NOX5: variants seen among roughly 807,000 people sequenced by gnomAD.
The protein encoded by NOX5 is NADPH oxidase 5.
NOX5 carries 76 observed loss-of-function variants against 85.7 expected under a neutral mutation model. That is an observed-to-expected ratio of 0.89 (90% CI 0.74 to 1.07). The LOEUF (loss-of-function observed/expected upper bound fraction) is 1.07, where lower values mean the gene tolerates loss of function less well. Ranked by LOEUF, NOX5 falls within the 50% of genes least tolerant of loss-of-function variation. NOX5 has a pLI of 0.00. For synonymous variants in NOX5, 405 were observed against 401.4 expected (o/e 1.01, Z -0.11); for missense variants, 973 against 999.5 (o/e 0.97, Z 0.36).
In NOX5 at chr15:69,033,185, CT is replaced by C. The variant is rs1567098254; in HGVS notation, c.764del (p.Leu255ArgfsTer33). ...AGGCCTCCACGTGCTGCTCTTCGGGCTGGCGGCCAGCGCGCACCGGGACCTC... is the reference window on the plus strand; with the variant it reads ...AGGCCTCCACGTGCTGCTCTTCGGGCGGCGGCCAGCGCGCACCGGGACCTC... ...YAGLHVLLFG[L>X]AASAHRDLGA... is the part of the protein sequence containing the mutation. On this transcript the variant is annotated frameshift_variant, in exon 5 of 16. Coordinates refer to ENST00000388866, the MANE Select transcript of NOX5 (RefSeq NM_024505.4). LOFTEE classifies it high-confidence loss of function. 1 of 1,591,458 alleles carries C rather than the reference CT, an allele frequency of 6.3e-7. No homozygotes were observed. The highest frequency in any genetic ancestry group is 2.2e-5 in the East Asian group (1 of 44,592).
intron 3 of NOX5, chr15:69,030,297 A>T (rs2050412333): frequency 6.6e-6 from 1 of 152,242 alleles, no homozygotes; most frequent in South Asian, 2.1e-4. Context: ...GGGAGCCATC[A>T]AAGTGTGTTG....
chr15:69,039,446 A>C (rs559436491), intron 9 of NOX5, among the ~76,000 whole-genome samples: 1 of 152,172 alleles, frequency 6.6e-6, no homozygotes, highest in African/African-American at 2.4e-5. Flanking sequence ...GAAAAAGAGC[A>C]TGAAAGGCAG....
chr15:69,019,340 G>A (rs2050269899), intron 1 of NOX5, among the ~76,000 whole-genome samples: 1 of 152,236 alleles, frequency 6.6e-6, no homozygotes, highest in Non-Finnish European at 1.5e-5. Context: ...AGAGAGTCTT[G>A]TGGTGGAAAG....
rs544365392 is a variant in NOX5, at chr15:69,033,571, C to G, written c.855+294C>G. Among the ~76,000 whole-genome samples the G allele has an allele frequency of 6.6e-5, 10 of 152,274 alleles. No individual in the cohort carries two copies. The East Asian group carries it at 1.7e-3, about 26-fold the overall frequency. On this transcript the variant is annotated intron_variant, in intron 5 of 15. Coordinates refer to ENST00000388866, the MANE Select transcript of NOX5 (RefSeq NM_024505.4). ...TTCACAACTCCCCTATAGTGGACCC[C>G]TGTGCAGGAGCACCTTCAAGAGGAA...
Position 69,033,045 on chromosome 15 carries a change from C to T in NOX5, c.623C>T (p.Ala208Val), listed in dbSNP as rs749863426. The change falls in exon 5 of 16, where the codon GCT becomes GTT. Residue 208 changes from alanine (A) to valine (V), a missense_variant and splice_region_variant. Ala to Val is a moderately conservative substitution (Grantham distance 64). Coordinates refer to ENST00000388866, the MANE Select transcript of NOX5 (RefSeq NM_024505.4). The part of the protein sequence containing the change: ...PGVMENLTIS[A>V]AHWLTAPAPR... ...AGCGGAACCCGCCTCTCTCGCAGCG[C>T]TGCCCACTGGCTGACGGCCCCCGCC... 6.4e-7 allele frequency: 1 copy of T among 1,555,486 alleles called. No individual in the cohort carries two copies. The highest frequency in any genetic ancestry group is 1.2e-5 in the South Asian group (1 of 85,484).
In NOX5 at chr15:69,059,645, T is replaced by A. The variant is rs1040203013; in HGVS notation, c.*2949T>A. 10 of 152,148 alleles carry A rather than the reference T, an allele frequency of 6.6e-5. No individual in the cohort carries two copies. The highest frequency in any genetic ancestry group is 2.6e-4 in the Admixed American group (4 of 15,278). 9.4% of individuals were successfully genotyped at this position (152,148 alleles called of 1,614,324 possible). Reference sequence around the variant, plus strand: ...TCTGTCTGCCTCGGTGGACATGTCATCGAAGGCAGCAGGACCACACATGTG... The same window carrying A: ...TCTGTCTGCCTCGGTGGACATGTCAACGAAGGCAGCAGGACCACACATGTG... On this transcript the variant is annotated 3_prime_UTR_variant, in exon 16 of 16. Coordinates refer to ENST00000388866, the MANE Select transcript of NOX5 (RefSeq NM_024505.4).
At chr15:69,016,792 A>T (rs2050236639) in intron 1 of NOX5, among the ~76,000 whole-genome samples, 1 of 149,394 alleles carries the variant, frequency 6.7e-6, no homozygotes, top group South Asian at 2.1e-4. Flanking sequence ...CATATATGAC[A>T]TATGCATATA....
chr15:69,049,879 A>G (rs929713905), intron 14 of NOX5, among the ~76,000 whole-genome samples: 1 of 152,224 alleles, frequency 6.6e-6, no homozygotes, highest in Non-Finnish European at 1.5e-5. Flanking sequence ...AAATACAATG[A>G]CATTTTGACA....
At chr15:69,029,978 C>G (rs1307239463) in intron 3 of NOX5, 1 of 152,196 alleles carries the variant, frequency 6.6e-6, no homozygotes, top group African/African-American at 2.4e-5. Context: ...TGTGCTCAGC[C>G]TTATATTCTG....
In NOX5 at chr15:69,056,834, CAG is replaced by C. The variant is rs1322068078; in HGVS notation, c.*144_*145del. 12 of 1,075,328 alleles carry C rather than the reference CAG, an allele frequency of 1.1e-5. No homozygotes were observed. The highest frequency in any genetic ancestry group is 6.2e-4 in the Middle Eastern group (2 of 3,232). The allele number at this position is 1,075,328 out of a possible 1,614,324, so 66.6% of individuals were successfully genotyped here. On this transcript the variant is annotated 3_prime_UTR_variant, in exon 16 of 16. Transcript: ENST00000388866. ...CTAGGGACCCCCTAATCCTGCTCAA[CAG>C]AGAGAACAGGAGACCCCAAGGGGCA...
chr15:69,037,941 T>A (rs1308557348), intron 8 of NOX5: 1 of 152,362 alleles, frequency 6.6e-6, no homozygotes, highest in Non-Finnish European at 1.5e-5. Context: ...GGTATTAAGC[T>A]GTGACCATTA....
At chr15:69,020,833 C>T (rs1184203574) in intron 1 of NOX5, among the ~76,000 whole-genome samples, 5 of 151,938 alleles carry the variant, frequency 3.3e-5, no homozygotes, top group African/African-American at 1.2e-4. Flanking sequence ...AGTTTGTAAA[C>T]TAGGTAATTT....
chr15:69,015,809 A>G (rs1201240215), intron 1 of NOX5, among the ~76,000 whole-genome samples: 1 of 151,462 alleles, frequency 6.6e-6, no homozygotes, highest in African/African-American at 2.4e-5. Flanking sequence ...GGGGGCAGTG[A>G]TGGGAAGGCG....
intron 10 of NOX5, among the ~76,000 whole-genome samples, chr15:69,044,867 G>A (rs775683173): frequency 6.6e-6 from 1 of 152,230 alleles, no homozygotes; most frequent in South Asian, 2.1e-4. Context: ...AAAGCAGAGT[G>A]TACAGCCCCC....
intron 9 of NOX5, 44 bp downstream of exon 9, chr15:69,039,033 T>C (rs1197735287): frequency 2.5e-6 from 4 of 1,606,970 alleles, no homozygotes; most frequent in Non-Finnish European, 3.4e-6. Flanking sequence ...ATTCACTGAG[T>C]TCCTACCGTG....
At chr15:69,020,919 A>T (rs183454310) in intron 1 of NOX5, among the ~76,000 whole-genome samples, 1 of 152,138 alleles carries the variant, frequency 6.6e-6, no homozygotes, top group African/African-American at 2.4e-5. Flanking sequence ...ATTTATTGAC[A>T]TAATAAAAAC....
At chr15:69,034,141 C>G (rs1337181760) in intron 5 of NOX5, among the ~76,000 whole-genome samples, 1 of 152,184 alleles carries the variant, frequency 6.6e-6, no homozygotes, top group Non-Finnish European at 1.5e-5. Context: ...GGATGCCCAT[C>G]TCTAGCTCAG....
chr15:69,052,163 A>G (rs1052795785), intron 14 of NOX5, among the ~76,000 whole-genome samples: 13 of 151,828 alleles, frequency 8.6e-5, no homozygotes, highest in Non-Finnish European at 4.4e-5. Context: ...GGCTGCAGCG[A>G]GCCATGATAG....
intron 5 of NOX5, among the ~76,000 whole-genome samples, chr15:69,034,171 C>T (rs1472262984): frequency 1.3e-5 from 2 of 152,094 alleles, no homozygotes; most frequent in African/African-American, 4.8e-5. Context: ...TGGATATGAG[C>T]TTCTCATTAG....
Sources: gnomAD v4.1 joint callset for allele counts (sites outside exome capture counted in the v4.1 genomes callset) on GRCh38, gnomAD v4.1.1 for gene constraint, MANE v1.5 for transcripts, NCBI Gene and HGNC (gene_info 2026-07-23, HGNC 2026-07-21) for gene names.